Variants in CHRM3 observed in about 807,000 individuals in gnomAD.
CHRM3 encodes cholinergic receptor muscarinic 3.
In CHRM3, 11 loss-of-function variants were observed where a neutral mutation model predicts 41.8. That is an observed-to-expected ratio of 0.26 (90% CI 0.17 to 0.44). The LOEUF is 0.44. Ranked by LOEUF, CHRM3 falls within the 20% of genes least tolerant of loss-of-function variation. The pLI, the probability that CHRM3 is intolerant of heterozygous loss-of-function variation, is 1.00. For synonymous variants in CHRM3, 297 were observed against 301.4 expected, an observed-to-expected ratio of 0.99 and a Z score of 0.15; for missense variants, 571 against 745.4, an observed-to-expected ratio of 0.77 and a Z score of 2.72.
chr1:239,405,537 T>C (rs1249094316), intron 1 of CHRM3, among the ~76,000 whole-genome samples: 3 of 152,162 alleles, frequency 2.0e-5, no homozygotes. Flanking sequence ...CCAATTAGAC[T>C]TGAGGTCTTC....
At chr1:239,745,389 G>C (rs369812644) in intron 5 of CHRM3, among the ~76,000 whole-genome samples, 6 of 151,978 alleles carry the variant, frequency 3.9e-5, no homozygotes, top group African/African-American at 1.2e-4. Flanking sequence ...TGATGGTCAC[G>C]CGGTATGCAA....
intron 5 of CHRM3, among the ~76,000 whole-genome samples, chr1:239,785,861 T>G (rs1668853597): frequency 6.6e-6 from 1 of 152,202 alleles, no homozygotes; most frequent in Non-Finnish European, 1.5e-5. Flanking sequence ...GCTTGGATAT[T>G]TAGGAGCCTT....
intron 1 of CHRM3, among the ~76,000 whole-genome samples, chr1:239,417,580 T>A (rs1001640943): frequency 1.7e-4 from 1 of 5,790 alleles, no homozygotes; most frequent in Non-Finnish European, 3.9e-3. Context: ...GATTAATTTG[T>A]TTTTTTTTTT....
intron 5 of CHRM3, among the ~76,000 whole-genome samples, chr1:239,791,580 G>A (rs989598917): frequency 1.3e-5 from 2 of 152,150 alleles, no homozygotes; most frequent in Admixed American, 6.5e-5. Flanking sequence ...ATTTTCTGAT[G>A]TGTGAGGCAA....
chr1:239,575,753 A>G (rs1558332460), intron 3 of CHRM3, among the ~76,000 whole-genome samples: 1 of 151,944 alleles, frequency 6.6e-6, no homozygotes, highest in South Asian at 2.1e-4. Context: ...ACAGGTGTGT[A>G]TATATAGAGA....
intron 1 of CHRM3, among the ~76,000 whole-genome samples, chr1:239,459,439 T>C: frequency 1.3e-5 from 2 of 152,264 alleles, no homozygotes; most frequent in Admixed American, 1.3e-4. Flanking sequence ...GGAATGTATA[T>C]TATTATTATT....
At chr1:239,668,949 T>G (rs1253969550) in intron 4 of CHRM3, among the ~76,000 whole-genome samples, 4 of 152,218 alleles carry the variant, frequency 2.6e-5, no homozygotes, top group African/African-American at 9.6e-5. Flanking sequence ...CATTAATTTC[T>G]TTAAAGGGCA....
intron 4 of CHRM3, among the ~76,000 whole-genome samples, chr1:239,648,072 A>C (rs768084800): frequency 2.0e-5 from 3 of 152,126 alleles, no homozygotes; most frequent in Non-Finnish European, 4.4e-5. Flanking sequence ...TATGTTATTT[A>C]ATTTTTGCTT....
chr1:239,420,071 A>C (rs1029368123), intron 1 of CHRM3, among the ~76,000 whole-genome samples: 1 of 152,164 alleles, frequency 6.6e-6, no homozygotes, highest in Non-Finnish European at 1.5e-5. Context: ...TCCCTAGCTC[A>C]GGCCTGTTTA....
chr1:239,907,932 G>A lies in CHRM3; in HGVS notation c.481G>A (p.Val161Ile). Residue 161 changes from valine (V) to isoleucine (I), a missense_variant, in exon 7 of 7, where the codon GTC becomes ATC. By Grantham distance (29) the Val-to-Ile change is conservative. Transcript: ENST00000676153. This position sits in a 1 kb window ranked among gnomAD's most constrained non-coding sequence, Gnocchi z 5.4. ...ASNASVMNLL[V>I]ISFDRYFSIT... ...CAATGCCTCTGTTATGAATCTTCTG[G>A]TCATCAGCTTTGACAGATACTTTTC... The A allele has an allele frequency of 6.2e-7, 1 of 1,614,144 alleles. No individual in the cohort carries two copies. The highest frequency in any genetic ancestry group is 8.5e-7 in the Non-Finnish European group (1 of 1,180,026).
chr1:239,876,618 T>C (rs886696114), intron 6 of CHRM3, among the ~76,000 whole-genome samples: 2 of 152,192 alleles, frequency 1.3e-5, no homozygotes, highest in African/African-American at 4.8e-5. Context: ...GCCTCCACCA[T>C]GGGATGCACT....
chr1:239,670,997 G>T (rs1286354983), intron 4 of CHRM3, among the ~76,000 whole-genome samples: 2 of 152,136 alleles, frequency 1.3e-5, no homozygotes, highest in Non-Finnish European at 2.9e-5. Context: ...TAAAGTAGTT[G>T]TACCACATTA....
At chr1:239,525,900 G>A (rs113186682) in intron 2 of CHRM3, among the ~76,000 whole-genome samples, 1 of 152,274 alleles carries the variant, frequency 6.6e-6, no homozygotes, top group African/African-American at 2.4e-5. Flanking sequence ...AAGAAACCCT[G>A]ATGCCCAGGA....
At position 239,417,293 on chromosome 1, in the gene CHRM3, A is replaced by C. The variant is rs564478348; in HGVS notation, c.-521+30066A>C. Among the ~76,000 whole-genome samples the C allele has an allele frequency of 1.6e-3, 237 of 152,316 alleles. 2 individuals are homozygous for C. The highest frequency in any genetic ancestry group is 5.5e-3 in the African/African-American group (227 of 41,578). On this transcript the variant is annotated intron_variant, in intron 1 of 6. Transcript: ENST00000676153. ...CTTCATGGTAGCATAAGAATATACT[A>C]CAGTATATTTTAGAACAAGTGGTCT...
intron 5 of CHRM3, among the ~76,000 whole-genome samples, chr1:239,795,749 A>G (rs1160919536): frequency 1.3e-5 from 2 of 152,218 alleles, no homozygotes; most frequent in African/African-American, 4.8e-5. Flanking sequence ...TTTTACTGGA[A>G]GTTGATCATC....
At chr1:239,735,632 C>A (rs1296345055) in intron 5 of CHRM3, among the ~76,000 whole-genome samples, 1 of 152,074 alleles carries the variant, frequency 6.6e-6, no homozygotes, top group South Asian at 2.1e-4. Flanking sequence ...GTATAAGTTG[C>A]TGCTCCATTT....
intron 5 of CHRM3, among the ~76,000 whole-genome samples, chr1:239,768,894 A>G (rs1287093911): frequency 1.3e-5 from 2 of 151,966 alleles, no homozygotes; most frequent in Non-Finnish European, 2.9e-5. Context: ...CCTCCTGAGT[A>G]GCTGGGATTA....
chr1:239,434,966 A>T (rs1479999746), intron 1 of CHRM3, among the ~76,000 whole-genome samples: 3 of 152,196 alleles, frequency 2.0e-5, no homozygotes, highest in Non-Finnish European at 4.4e-5. Context: ...ATTCCTTGTC[A>T]TGCTGCTAAT....
intron 1 of CHRM3, among the ~76,000 whole-genome samples, chr1:239,397,570 G>A (rs776002611): frequency 1.6e-4 from 25 of 151,798 alleles, no homozygotes; most frequent in South Asian, 4.2e-4. Flanking sequence ...TACTTGGGAG[G>A]CTGAGGCAGG....
Sources: gnomAD v4.1 joint callset for allele counts (sites outside exome capture counted in the v4.1 genomes callset) on GRCh38, gnomAD v4.1.1 for gene constraint, Gnocchi (gnomAD v3.1) non-coding constraint, MANE v1.5 for transcripts, NCBI Gene and HGNC (gene_info 2026-07-23, HGNC 2026-07-21) for gene names.